Variants in MYLK4 observed in about 807,000 individuals in gnomAD.
The protein encoded by MYLK4 is myosin light chain kinase family member 4.
MYLK4 carries 46 observed loss-of-function variants against 48.1 expected under a neutral mutation model. That is an observed-to-expected ratio of 0.96 (90% CI 0.75 to 1.22). The LOEUF is 1.22. Among genes scored for constraint, MYLK4 ranks in the 50% most tolerant of loss-of-function variants. The pLI is 0.00. For synonymous variants in MYLK4, 170 were observed against 180.8 expected, an observed-to-expected ratio of 0.94 and a Z score of 0.48; for missense variants, 451 against 486.1, an observed-to-expected ratio of 0.93 and a Z score of 0.68.
Position 2,730,925 on chromosome 6 carries a change from C to T in MYLK4, c.159+18211G>A, listed in dbSNP as rs138099386. Among the ~76,000 whole-genome samples the T allele has an allele frequency of 1.0e-3, 158 of 152,180 alleles. 2 individuals carry two copies. The highest frequency in any genetic ancestry group is 9.2e-3 in the Admixed American group (141 of 15,278). On this transcript the variant is annotated intron_variant, in intron 2 of 12. Coordinates refer to ENST00000274643, the MANE Select transcript of MYLK4 (RefSeq NM_001012418.5). ...CAGCCTGGCCTCATTTCATCTGTTA[C>T]GGGAGGCTGCTTAAACCCCTGGTTG...
At chr6:2,740,666 G>A (rs1763869787) in intron 2 of MYLK4, among the ~76,000 whole-genome samples, 2 of 152,150 alleles carry the variant, frequency 1.3e-5, no homozygotes, top group Non-Finnish European at 2.9e-5. Flanking sequence ...CGCATGCTTG[G>A]GCTCTGCTTT....
intron 2 of MYLK4, among the ~76,000 whole-genome samples, chr6:2,695,936 G>C (rs770331477): frequency 6.6e-6 from 1 of 152,190 alleles, no homozygotes; most frequent in African/African-American, 2.4e-5. Context: ...ACCCAATCCT[G>C]ACCATCCCCA....
intron 11 of MYLK4, 97 bp from the exon 12 acceptor site, chr6:2,671,445 G>GA: frequency 3.5e-6 from 4 of 1,139,490 alleles, no homozygotes; most frequent in Non-Finnish European, 3.9e-6. Flanking sequence ...TGCTACTGAG[G>GA]AGAAGGTGCT....
Position 2,718,179 on chromosome 6 carries a change from CAA to C in MYLK4, c.160-25322_160-25321del, listed in dbSNP as rs10590230. On this transcript the variant is annotated intron_variant, in intron 2 of 12. Transcript: ENST00000274643. The stretch of plus-strand genomic sequence containing the variant: ...TGGTCAACAGAGTGAAACTCTGTCT[CAA>C]AAAAAAAAAAAAAAAAAAAAGAAAA... Among the ~76,000 whole-genome samples the C allele has an allele frequency of 6.8e-5, 9 of 133,314 alleles. 1 individual carries two copies. Among genetic ancestry groups the C allele is most frequent in the African/African-American group, 2.5e-4 (9 of 35,982 alleles). 87.5% of individuals were successfully genotyped at this position (133,314 alleles called of 152,430 possible). A position where few individuals can be genotyped will look rare whatever the true frequency, so the allele number is the denominator to read the frequency against.
the MYLK4 span, chr6:2,770,192 C>T: frequency 1.2e-6 from 2 of 1,614,066 alleles, no homozygotes; most frequent in Admixed American, 3.3e-5. Context: ...CCCTTCCTTC[C>T]AGGTCAACGC....
At chr6:2,724,844 T>G (rs1174031710) in intron 2 of MYLK4, among the ~76,000 whole-genome samples, 1 of 152,180 alleles carries the variant, frequency 6.6e-6, no homozygotes, top group Non-Finnish European at 1.5e-5. Flanking sequence ...TTTTCTAAGT[T>G]AAAGCCCATA....
At chr6:2,690,320 C>T (rs976503307) in intron 3 of MYLK4, among the ~76,000 whole-genome samples, 1 of 152,182 alleles carries the variant, frequency 6.6e-6, no homozygotes, top group African/African-American at 2.4e-5. Flanking sequence ...CGAGGCGCTC[C>T]TCTGCCACTC....
chr6:2,743,290 T>A (rs1399341553), intron 2 of MYLK4, among the ~76,000 whole-genome samples: 7 of 152,232 alleles, frequency 4.6e-5, no homozygotes, highest in African/African-American at 1.4e-4. Flanking sequence ...ATATGCTAAT[T>A]GATAAGAGAG....
the MYLK4 span, among the ~76,000 whole-genome samples, chr6:2,760,868 G>A: frequency 6.6e-6 from 1 of 152,200 alleles, no homozygotes; most frequent in Non-Finnish European, 1.5e-5. Flanking sequence ...GATTCCAGAA[G>A]ATGTAGTGGA....
At chr6:2,675,674 G>T (rs1761053805) in intron 10 of MYLK4, among the ~76,000 whole-genome samples, 1 of 152,122 alleles carries the variant, frequency 6.6e-6, no homozygotes, top group South Asian at 2.1e-4. Context: ...GCCAGCAAAG[G>T]TTTATAAGAT....
upstream of MYLK4, among the ~76,000 whole-genome samples, chr6:2,754,544 T>C (rs1290149502): frequency 1.3e-5 from 2 of 152,208 alleles, no homozygotes; most frequent in African/African-American, 2.4e-5. Flanking sequence ...GGGTTAATTG[T>C]AAACAGAATC....
the MYLK4 span, among the ~76,000 whole-genome samples, chr6:2,767,234 T>G: frequency 1.3e-5 from 2 of 151,944 alleles, no homozygotes; most frequent in Admixed American, 1.3e-4. Context: ...GAGAAAAAAA[T>G]GGAGGAGGTG....
At chr6:2,671,665 C>A (rs1252167140) in intron 11 of MYLK4, among the ~76,000 whole-genome samples, 2 of 152,234 alleles carry the variant, frequency 1.3e-5, no homozygotes, top group African/African-American at 4.8e-5. Flanking sequence ...CACAAGAATG[C>A]TCTATCACTT....
chr6:2,747,624 G>C (rs945330639), intron 2 of MYLK4, among the ~76,000 whole-genome samples: 4 of 152,036 alleles, frequency 2.6e-5, no homozygotes, highest in African/African-American at 7.2e-5. Flanking sequence ...CAAAGTGCTG[G>C]GATTACAGGT....
chr6:2,759,516 A>G, the MYLK4 span, among the ~76,000 whole-genome samples: 1 of 152,194 alleles, frequency 6.6e-6, no homozygotes, highest in Non-Finnish European at 1.5e-5. Flanking sequence ...TCTTATCATT[A>G]TGTAGGACTT....
the MYLK4 span, chr6:2,770,004 C>A: frequency 6.9e-7 from 1 of 1,444,860 alleles, no homozygotes; most frequent in Non-Finnish European, 9.4e-7. Context: ...TGCTGCTATT[C>A]CTGAACTCGA....
At chr6:2,763,079 G>T in the MYLK4 span, among the ~76,000 whole-genome samples, 1 of 152,180 alleles carries the variant, frequency 6.6e-6, no homozygotes, top group Non-Finnish European at 1.5e-5. Flanking sequence ...ACAACCTGCT[G>T]ATTGGTCCAT....
intron 10 of MYLK4, among the ~76,000 whole-genome samples, chr6:2,677,411 A>G (rs1761121158): frequency 6.6e-6 from 1 of 152,228 alleles, no homozygotes; most frequent in African/African-American, 2.4e-5. Context: ...AGCCATAAAG[A>G]TAATAAAACG....
chr6:2,751,125 C>T (rs1207161597), upstream of MYLK4, among the ~76,000 whole-genome samples: 9 of 152,184 alleles, frequency 5.9e-5, no homozygotes, highest in East Asian at 1.7e-3. Context: ...TCCCTCGTAT[C>T]ATTGTGTCAA....
Sources: gnomAD v4.1 joint callset for allele counts (sites outside exome capture counted in the v4.1 genomes callset) on GRCh38, gnomAD v4.1.1 for gene constraint, MANE v1.5 for transcripts, NCBI Gene and HGNC (gene_info 2026-07-23, HGNC 2026-07-21) for gene names.